Variants in EPHA6 observed in about 807,000 individuals in gnomAD.
The protein encoded by EPHA6 is EPH receptor A6.
Under a neutral mutation model 112.0 loss-of-function variants are expected in EPHA6, and 50 were observed. That is an observed-to-expected ratio of 0.45 (90% CI 0.36 to 0.56). EPHA6 has a LOEUF of 0.56. Ranked by LOEUF, EPHA6 falls within the 20% of genes least tolerant of loss-of-function variation. EPHA6 has a pLI of 0.00. For missense variants in EPHA6, 1,280 were observed against 1,417.4 expected (o/e 0.90, Z 1.56); for synonymous variants, 529 against 490.7 (o/e 1.08, Z -1.03).
chr3:97,717,640 C>T (rs1351720505), intron 14 of EPHA6, among the ~76,000 whole-genome samples: 1 of 152,092 alleles, frequency 6.6e-6, no homozygotes, highest in Non-Finnish European at 1.5e-5. Context: ...TTTATTTGAC[C>T]TTAATTACTT....
At chr3:97,074,185 G>A (rs1426142754) in intron 3 of EPHA6, among the ~76,000 whole-genome samples, 1 of 151,586 alleles carries the variant, frequency 6.6e-6, no homozygotes, top group Non-Finnish European at 1.5e-5. Context: ...CATTTAAATT[G>A]TTTCATTTTT....
chr3:97,382,902 T>C (rs542676922), intron 5 of EPHA6, among the ~76,000 whole-genome samples: 9 of 151,896 alleles, frequency 5.9e-5, no homozygotes, highest in South Asian at 2.1e-4. Context: ...CTACAGAAAA[T>C]AATAATAACT....
At chr3:96,915,797 C>G (rs551966708) in intron 2 of EPHA6, among the ~76,000 whole-genome samples, 6 of 152,090 alleles carry the variant, frequency 3.9e-5, no homozygotes, top group African/African-American at 1.4e-4. Context: ...GTTCTTAGCA[C>G]TTTGTATAAA....
At chr3:97,549,692 C>T (rs1180601767) in intron 11 of EPHA6, among the ~76,000 whole-genome samples, 1 of 152,026 alleles carries the variant, frequency 6.6e-6, no homozygotes, top group East Asian at 1.9e-4. Flanking sequence ...CACCTGTAGT[C>T]CCAGCTACTC....
intron 1 of EPHA6, among the ~76,000 whole-genome samples, chr3:96,853,580 G>T (rs2035520781): frequency 6.6e-6 from 1 of 151,680 alleles, no homozygotes; most frequent in Non-Finnish European, 1.5e-5. Context: ...GTCTTGAGTG[G>T]ATTCTTTCAG....
chr3:97,293,735 T>G (rs529816005), intron 5 of EPHA6, among the ~76,000 whole-genome samples: 140 of 152,300 alleles, frequency 9.2e-4, no homozygotes, highest in African/African-American at 3.2e-3. Context: ...CTTCAGGTAA[T>G]TCCTGGCTCA....
intron 3 of EPHA6, among the ~76,000 whole-genome samples, chr3:97,133,259 A>T (rs2108332433): frequency 6.6e-6 from 1 of 152,164 alleles, no homozygotes; most frequent in South Asian, 2.1e-4. Context: ...AGCCATCTAT[A>T]TTTGGTGCAG....
At chr3:96,982,438 G>A (rs1240995458) in intron 2 of EPHA6, among the ~76,000 whole-genome samples, 1 of 152,238 alleles carries the variant, frequency 6.6e-6, no homozygotes, top group South Asian at 2.1e-4. Context: ...TATAATTTCT[G>A]TTCTTTTACA....
At chr3:97,733,862 A>G (rs2035143265) in intron 15 of EPHA6, among the ~76,000 whole-genome samples, 1 of 152,082 alleles carries the variant, frequency 6.6e-6, no homozygotes, top group African/African-American at 2.4e-5. Flanking sequence ...TAGCATGGTA[A>G]TCACTACTAA....
At chr3:97,058,087 A>T (rs9875965) in intron 3 of EPHA6, among the ~76,000 whole-genome samples, 2 of 151,994 alleles carry the variant, frequency 1.3e-5, no homozygotes, top group African/African-American at 4.8e-5. Flanking sequence ...AGACCATTGC[A>T]GAGAGAAATA....
At position 97,758,345 on chromosome 3, in the gene EPHA6, A is replaced by G. The variant is rs1038153404; in HGVS notation, c.*9644A>G. Among the ~76,000 whole-genome samples, 6 of 151,620 alleles carry G rather than the reference A, an allele frequency of 4.0e-5. No homozygotes were observed. Among genetic ancestry groups the G allele is most frequent in the African/African-American group, 9.7e-5 (4 of 41,056 alleles). ...CTTAGTGTTTACCTCTTTAAACTAT[A>G]TAACAAATATAACCGTAGCAACAAC... is the stretch of plus-strand genomic sequence containing the variant. On this transcript the variant is annotated 3_prime_UTR_variant, in exon 18 of 18. Coordinates refer to ENST00000389672, the MANE Select transcript of EPHA6 (RefSeq NM_001080448.3).
intron 2 of EPHA6, among the ~76,000 whole-genome samples, chr3:96,974,799 G>A (rs1479746932): frequency 6.6e-6 from 1 of 152,134 alleles, no homozygotes; most frequent in South Asian, 2.1e-4. Flanking sequence ...TTGACAGGAT[G>A]CCAGGAGGAA....
intron 14 of EPHA6, chr3:97,646,034 C>G (rs550829979): frequency 2.3e-5 from 23 of 1,009,316 alleles, no homozygotes; most frequent in Non-Finnish European, 2.9e-5. Flanking sequence ...ATCTTTAGAA[C>G]AGTATGCTAC....
At chr3:96,879,812 A>G (rs2037200675) in intron 2 of EPHA6, among the ~76,000 whole-genome samples, 5 of 152,066 alleles carry the variant, frequency 3.3e-5, no homozygotes, top group Admixed American at 3.3e-4. Flanking sequence ...CAGCTTGGTC[A>G]TTGTTGGTGC....
At chr3:97,644,466 CA>C (rs1269121917) in intron 14 of EPHA6, among the ~76,000 whole-genome samples, 1 of 150,972 alleles carries the variant, frequency 6.6e-6, no homozygotes, top group African/African-American at 2.4e-5. Flanking sequence ...AATAGAGACA[CA>C]AAAAACCCTT....
intron 3 of EPHA6, among the ~76,000 whole-genome samples, chr3:97,014,395 C>G (rs1382609900): frequency 6.7e-6 from 1 of 149,934 alleles, no homozygotes; most frequent in Non-Finnish European, 1.5e-5. Flanking sequence ...TTTCTTTCCT[C>G]TCTCCCTTCA....
intron 8 of EPHA6, 87 bp downstream of exon 8, chr3:97,475,547 CA>C: frequency 1.1e-6 from 1 of 897,864 alleles, no homozygotes; most frequent in South Asian, 1.6e-5. Flanking sequence ...TTAGATATAA[CA>C]AAGCACACCT....
chr3:97,542,509 G>T (rs574158630), intron 11 of EPHA6, among the ~76,000 whole-genome samples: 14 of 152,260 alleles, frequency 9.2e-5, no homozygotes, highest in Admixed American at 3.3e-4. Flanking sequence ...GGACATTTAG[G>T]TTGGTTCCAA....
intron 3 of EPHA6, among the ~76,000 whole-genome samples, chr3:97,150,496 T>A (rs1559758897): frequency 6.6e-6 from 1 of 152,088 alleles, no homozygotes; most frequent in Non-Finnish European, 1.5e-5. Flanking sequence ...TACAAAAGAT[T>A]CTAATTCTGC....
Sources: allele counts gnomAD v4.1 joint callset (sites outside exome capture counted in the v4.1 genomes callset), GRCh38; gene constraint gnomAD v4.1.1; transcripts MANE v1.5; gene names NCBI Gene and HGNC (gene_info 2026-07-23, HGNC 2026-07-21).